SLC2A14: variants seen among roughly 807,000 people sequenced by gnomAD.
SLC2A14 encodes solute carrier family 2 member 14.
Under a neutral mutation model 43.0 loss-of-function variants are expected in SLC2A14, and 13 were observed. The ratio of observed to expected loss-of-function variants is 0.30; its 90% CI spans 0.20 to 0.48. The LOEUF (loss-of-function observed/expected upper bound fraction) is 0.48. SLC2A14 is among the 20% of genes least tolerant of loss of function. The probability of loss-of-function intolerance (pLI) is 0.99; values close to 1 mark genes in which losing one functional copy is unlikely to be tolerated. For synonymous variants in SLC2A14, 190 were observed against 233.8 expected (o/e 0.81, Z 1.71); for missense variants, 428 against 620.4 (o/e 0.69, Z 3.29).
chr12:7,872,761 C>T (rs1945308663), intron 1 of SLC2A14, 46 bp downstream of exon 1: 1 of 985,144 alleles, frequency 1.0e-6, no homozygotes, highest in Non-Finnish European at 1.2e-6. Flanking sequence ...AGCTCAGGTC[C>T]TCATTCCCGC....
chr12:7,816,516 C>T (rs1032185240), intron 10 of SLC2A14, among the ~76,000 whole-genome samples: 1 of 150,938 alleles, frequency 6.6e-6, no homozygotes, highest in African/African-American at 2.4e-5. Flanking sequence ...GGATTACAGG[C>T]GTGAGCCATC....
intron 2 of SLC2A14, among the ~76,000 whole-genome samples, chr12:7,842,337 C>G (rs746826070): frequency 6.6e-6 from 1 of 152,116 alleles, no homozygotes; most frequent in Non-Finnish European, 1.5e-5. Context: ...TCTAAACATT[C>G]GTTTGCAGGT....
chr12:7,843,261 C>T (rs1256068437), intron 2 of SLC2A14, among the ~76,000 whole-genome samples: 3 of 150,474 alleles, frequency 2.0e-5, no homozygotes, highest in Non-Finnish European at 4.4e-5. Context: ...AGAATAGCTG[C>T]TGAGTAGAAA....
At chr12:7,834,512 G>A (rs1026781811) in intron 2 of SLC2A14, among the ~76,000 whole-genome samples, 1 of 145,840 alleles carries the variant, frequency 6.9e-6, no homozygotes, top group Non-Finnish European at 1.5e-5. Flanking sequence ...ACAACACAGT[G>A]AGACCCCTTC....
At chr12:7,885,206 C>T (rs1371629041) in intron 1 of SLC2A14, among the ~76,000 whole-genome samples, 2 of 152,132 alleles carry the variant, frequency 1.3e-5, no homozygotes, top group Non-Finnish European at 2.9e-5. Context: ...TGTGGTGGCT[C>T]ACGCCTGTAC....
At chr12:7,830,599 G>A (rs963264987) in intron 4 of SLC2A14, among the ~76,000 whole-genome samples, 1 of 151,972 alleles carries the variant, frequency 6.6e-6, no homozygotes, top group Non-Finnish European at 1.5e-5. Context: ...TTGGGCCACT[G>A]CACTCCAGCC....
chr12:7,817,735 C>CA, intron 10 of SLC2A14, 96 bp downstream of exon 10: 3 of 1,001,438 alleles, frequency 3.0e-6, no homozygotes, highest in Non-Finnish European at 4.1e-6. Context: ...GACTCAGTCT[C>CA]AAAAATATAT....
chr12:7,872,656 G>C (rs991540867), intron 1 of SLC2A14, 151 bp downstream of exon 1: 1 of 536,998 alleles, frequency 1.9e-6, no homozygotes. Context: ...AAGGCTCCAA[G>C]GCTAGTTTCC....
chr12:7,843,320 G>A (rs946405283), intron 2 of SLC2A14, among the ~76,000 whole-genome samples: 14 of 148,998 alleles, frequency 9.4e-5, no homozygotes, highest in African/African-American at 2.5e-4. Flanking sequence ...GGGGCACGCT[G>A]TAATGAGTGG....
chr12:7,826,986 T>TTCTCTTTCTCTCCTTTCTCTC (rs1864506963), intron 7 of SLC2A14, among the ~76,000 whole-genome samples: 1 of 106,588 alleles, frequency 9.4e-6, no homozygotes, highest in East Asian at 2.4e-4. Context: ...TTTCTCTCCT[T>TTCTCTTTCTCTCCTTTCTCTC]TCTCTCTTTC....
At chr12:7,891,062 C>T (rs1161660052) in exon 1 of SLC2A14, 2 of 1,535,122 alleles carry the variant, frequency 1.3e-6, no homozygotes, top group South Asian at 1.2e-5. Flanking sequence ...AAAAGAAATG[C>T]CGCATTTCAT....
At chr12:7,844,106 T>C (rs1286584850) in intron 2 of SLC2A14, among the ~76,000 whole-genome samples, 1 of 152,156 alleles carries the variant, frequency 6.6e-6, no homozygotes, top group Non-Finnish European at 1.5e-5. Flanking sequence ...ATCTAGATTC[T>C]TTAACATTTC....
chr12:7,823,609 ACTCGGGAAG>A (rs1211283065), intron 7 of SLC2A14, among the ~76,000 whole-genome samples: 1 of 146,182 alleles, frequency 6.8e-6, no homozygotes, highest in Non-Finnish European at 1.5e-5. Flanking sequence ...AATCCCAGCT[ACTCGGGAAG>A]CTGAGGCAGG....
intron 1 of SLC2A14, among the ~76,000 whole-genome samples, chr12:7,879,327 CAACAA>C (rs1565587820): frequency 3.0e-5 from 3 of 100,292 alleles, no homozygotes; most frequent in Admixed American, 1.3e-4. Context: ...AAACAAACAA[CAACAA>C]AAAAAAACAA....
At chr12:7,855,887 A>G (rs184053361) in intron 2 of SLC2A14, among the ~76,000 whole-genome samples, 2 of 151,936 alleles carry the variant, frequency 1.3e-5, no homozygotes, top group African/African-American at 2.4e-5. Flanking sequence ...TGCCCGCCTC[A>G]GCCTCCCAAA....
At chr12:7,823,848 A>G (rs770643150) in intron 7 of SLC2A14, among the ~76,000 whole-genome samples, 21 of 152,358 alleles carry the variant, frequency 1.4e-4, no homozygotes, top group Non-Finnish European at 2.2e-4. Flanking sequence ...AGCAATATTT[A>G]TTAGTCTTTT....
intron 9 of SLC2A14, among the ~76,000 whole-genome samples, chr12:7,818,409 C>A (rs762345889): frequency 6.6e-6 from 1 of 152,244 alleles, no homozygotes; most frequent in Admixed American, 6.5e-5. Context: ...GCCTATAGTC[C>A]CAGCACTTTG....
chr12:7,837,810 T>A (rs766531455), intron 2 of SLC2A14, among the ~76,000 whole-genome samples: 1 of 151,988 alleles, frequency 6.6e-6, no homozygotes, highest in South Asian at 2.1e-4. Context: ...CAGGCTAGAG[T>A]GCAGTAGCAC....
chr12:7,824,296 C>T (rs765479650), intron 7 of SLC2A14, among the ~76,000 whole-genome samples: 67 of 152,124 alleles, frequency 4.4e-4, no homozygotes, highest in Middle Eastern at 3.4e-3. Flanking sequence ...TATATGATGA[C>T]GTCAAGCTTG....
Sources: gnomAD v4.1 joint callset for allele counts (sites outside exome capture counted in the v4.1 genomes callset) on GRCh38, gnomAD v4.1.1 for gene constraint, MANE v1.5 for transcripts, NCBI Gene and HGNC (gene_info 2026-07-23, HGNC 2026-07-21) for gene names.